CLVS1: variants seen among roughly 807,000 people sequenced by gnomAD.
CLVS1 encodes the protein clavesin-1.
In CLVS1, 10 loss-of-function variants were observed where a neutral mutation model predicts 33.1. The observed-to-expected ratio is 0.30, with a 90% confidence interval of 0.19 to 0.51. The LOEUF is 0.51. Among genes scored for constraint, CLVS1 ranks in the 20% least tolerant of loss-of-function variants. The pLI, the probability that CLVS1 is intolerant of heterozygous loss-of-function variation, is 0.97. For synonymous variants in CLVS1, 163 were observed against 166.1 expected (o/e 0.98, Z 0.14); for missense variants, 343 against 433.4 (o/e 0.79, Z 1.85).
At chr8:61,080,160 AT>A (rs1804996018) in intron 1 of CLVS1, among the ~76,000 whole-genome samples, 1 of 152,214 alleles carries the variant, frequency 6.6e-6, no homozygotes, top group Non-Finnish European at 1.5e-5. Flanking sequence ...GGTGGTCACT[AT>A]TTGTAACAAA....
At chr8:61,181,620 G>T (rs1288413752) in intron 2 of CLVS1, among the ~76,000 whole-genome samples, 1 of 150,806 alleles carries the variant, frequency 6.6e-6, no homozygotes, top group African/African-American at 2.4e-5. Flanking sequence ...CGTGGTACTG[G>T]TACCAAAACA....
chr8:61,040,542 A>ATGGTATCTGACTAATGT, the CLVS1 span, among the ~76,000 whole-genome samples: 1 of 152,190 alleles, frequency 6.6e-6, no homozygotes, highest in South Asian at 2.1e-4. Flanking sequence ...GACTGGTGTG[A>ATGGTATCTGACTAATGT]GATGGTATCT....
intron 2 of CLVS1, among the ~76,000 whole-genome samples, chr8:61,361,177 C>T (rs1269793987): frequency 6.6e-6 from 1 of 152,198 alleles, no homozygotes; most frequent in Non-Finnish European, 1.5e-5. Flanking sequence ...ACTCTGCCCC[C>T]ATGATACAAT....
chr8:61,454,005 C>T (rs560385091), intron 3 of CLVS1, 136 bp from the exon 4 acceptor site: 1 of 701,114 alleles, frequency 1.4e-6, no homozygotes, highest in African/African-American at 1.8e-5. Flanking sequence ...AGTGTGTTTT[C>T]TTCCTCTCCT....
At chr8:61,448,711 C>CA (rs35158301) in intron 3 of CLVS1, among the ~76,000 whole-genome samples, 8,001 of 139,524 alleles carry the variant, frequency 0.057, 359 homozygotes, top group African/African-American at 0.13. Flanking sequence ...CCCTCTCTCT[C>CA]AAAAAAAAAA....
intron 3 of CLVS1, among the ~76,000 whole-genome samples, chr8:61,420,620 C>T (rs544451967): frequency 4.6e-5 from 7 of 150,974 alleles, no homozygotes; most frequent in Admixed American, 3.3e-4. Context: ...AAAAAAAAGT[C>T]ATTATTTTAG....
At chr8:61,343,438 A>G (rs1812096198) in intron 2 of CLVS1, among the ~76,000 whole-genome samples, 1 of 152,330 alleles carries the variant, frequency 6.6e-6, no homozygotes, top group South Asian at 2.1e-4. Flanking sequence ...ACGTTGTTGC[A>G]ATGGTCTGTG....
At chr8:61,375,101 T>C (rs75278216) in intron 2 of CLVS1, among the ~76,000 whole-genome samples, 3,194 of 152,212 alleles carry the variant, frequency 0.021, 59 homozygotes, top group Non-Finnish European at 0.034. Flanking sequence ...TTGTATTGAT[T>C]CCTTTCATGT....
intron 2 of CLVS1, among the ~76,000 whole-genome samples, chr8:61,212,007 A>G (rs1033580982): frequency 6.6e-6 from 1 of 152,108 alleles, no homozygotes; most frequent in Admixed American, 6.5e-5. Context: ...CTCTGGGGGG[A>G]GTATGGTTGT....
chr8:61,329,474 G>A (rs1811513395), intron 2 of CLVS1, among the ~76,000 whole-genome samples: 1 of 152,152 alleles, frequency 6.6e-6, no homozygotes, highest in African/African-American at 2.4e-5. Flanking sequence ...TACAGCTAAT[G>A]TTAATCAGTT....
intron 1 of CLVS1, among the ~76,000 whole-genome samples, chr8:61,113,970 T>C (rs12544008): frequency 0.19 from 28,175 of 152,206 alleles, 2,726 homozygotes; most frequent in Admixed American, 0.3. Flanking sequence ...AGCTGACTTT[T>C]GTGCAAAGGG....
chr8:61,105,763 A>AT (rs11432556), intron 1 of CLVS1, among the ~76,000 whole-genome samples: 29,675 of 148,122 alleles, frequency 0.2, 3,010 homozygotes, highest in Admixed American at 0.31. Context: ...GTCTCTGAAC[A>AT]TTTTTTTTTT....
intron 2 of CLVS1, among the ~76,000 whole-genome samples, chr8:61,252,869 A>G (rs150681038): frequency 7.6e-4 from 116 of 152,258 alleles, no homozygotes; most frequent in African/African-American, 2.6e-3. Flanking sequence ...TTGGCTCTTT[A>G]TCCAATTTGC....
intron 2 of CLVS1, among the ~76,000 whole-genome samples, chr8:61,158,870 G>C (rs1462477677): frequency 6.6e-6 from 1 of 152,030 alleles, no homozygotes; most frequent in Non-Finnish European, 1.5e-5. Context: ...ACAAGGTCTT[G>C]CTGTATTGCC....
At chr8:61,407,535 G>T (rs557788475) in intron 3 of CLVS1, among the ~76,000 whole-genome samples, 3 of 152,218 alleles carry the variant, frequency 2.0e-5, no homozygotes, top group African/African-American at 7.2e-5. Flanking sequence ...AATAAAGCAG[G>T]TAAAGAAACA....
At chr8:61,067,256 T>C (rs780955329) in intron 1 of CLVS1, among the ~76,000 whole-genome samples, 23 of 152,124 alleles carry the variant, frequency 1.5e-4, no homozygotes, top group Non-Finnish European at 2.9e-4. Flanking sequence ...TGGCAGACAC[T>C]TCATCTACTT....
chr8:61,328,439 G>C (rs1216034841), intron 2 of CLVS1, among the ~76,000 whole-genome samples: 1 of 152,104 alleles, frequency 6.6e-6, no homozygotes, highest in African/African-American at 2.4e-5. Flanking sequence ...GATTTACATG[G>C]GCCAGCTACA....
At chr8:61,215,161 T>C (rs1478831055) in intron 2 of CLVS1, among the ~76,000 whole-genome samples, 1 of 152,172 alleles carries the variant, frequency 6.6e-6, no homozygotes, top group Non-Finnish European at 1.5e-5. Flanking sequence ...GATGGGATAA[T>C]GTTTTGGCAC....
At chr8:61,473,863 G>A (rs1187623114) in intron 5 of CLVS1, among the ~76,000 whole-genome samples, 1 of 152,162 alleles carries the variant, frequency 6.6e-6, no homozygotes, top group East Asian at 1.9e-4. Context: ...AGTGCTGACT[G>A]GGGAGATGAT....
Sources: allele counts gnomAD v4.1 joint callset (sites outside exome capture counted in the v4.1 genomes callset), GRCh38; gene constraint gnomAD v4.1.1; transcripts MANE v1.5; gene names NCBI Gene and HGNC (gene_info 2026-07-23, HGNC 2026-07-21).